Variants in GALNT17 observed in about 807,000 individuals in gnomAD.
GALNT17 encodes polypeptide N-acetylgalactosaminyltransferase 17, also known as UDP-GalNAc:polypeptide N-acetylgalactosaminyltransferase-like 3.
A neutral mutation model predicts 63.7 loss-of-function variants in GALNT17; 29 were observed. The observed-to-expected ratio is 0.46, with a 90% CI of 0.34 to 0.62. The LOEUF (loss-of-function observed/expected upper bound fraction) is 0.62. Ranked by LOEUF, GALNT17 falls within the 20% of genes least tolerant of loss-of-function variation. GALNT17 has a pLI of 0.01. For missense variants in GALNT17, 603 were observed against 799.6 expected, an observed-to-expected ratio of 0.75 and a Z score of 2.97; for synonymous variants, 305 against 318.3, an observed-to-expected ratio of 0.96 and a Z score of 0.45.
At chr7:71,137,291 C>CA (rs1416252356) in intron 1 of GALNT17, among the ~76,000 whole-genome samples, 1 of 152,128 alleles carries the variant, frequency 6.6e-6, no homozygotes, top group Non-Finnish European at 1.5e-5. Flanking sequence ...AGGCGTCCGC[C>CA]ACCACGCCCG....
At chr7:71,223,402 TA>T (rs1789622903) in intron 1 of GALNT17, among the ~76,000 whole-genome samples, 1 of 152,214 alleles carries the variant, frequency 6.6e-6, no homozygotes, top group African/African-American at 2.4e-5. Flanking sequence ...TTTTAACCTT[TA>T]AGCTATATCT....
intron 1 of GALNT17, among the ~76,000 whole-genome samples, chr7:71,181,506 A>G (rs1788734952): frequency 6.6e-6 from 1 of 152,128 alleles, no homozygotes; most frequent in Non-Finnish European, 1.5e-5. Flanking sequence ...GCTGGTGATG[A>G]GAAGGATGAA....
At chr7:71,531,101 A>G (rs922268762) in intron 5 of GALNT17, among the ~76,000 whole-genome samples, 4 of 152,194 alleles carry the variant, frequency 2.6e-5, no homozygotes, top group Non-Finnish European at 5.9e-5. Context: ...TTTTTAAACC[A>G]TTTTATTGTG....
At chr7:71,283,246 T>C (rs947424360) in intron 1 of GALNT17, among the ~76,000 whole-genome samples, 2 of 152,100 alleles carry the variant, frequency 1.3e-5, no homozygotes, top group African/African-American at 4.8e-5. Context: ...TGTACACCTT[T>C]CCCAGGTTCT....
intron 1 of GALNT17, among the ~76,000 whole-genome samples, chr7:71,176,617 T>C (rs541896630): frequency 2.6e-5 from 4 of 152,236 alleles, no homozygotes; most frequent in African/African-American, 9.6e-5. Context: ...CAGAGGTAGC[T>C]TCTTCTTGGA....
intron 5 of GALNT17, among the ~76,000 whole-genome samples, chr7:71,476,511 AAAAG>A (rs987109899): frequency 3.3e-5 from 5 of 152,132 alleles, no homozygotes; most frequent in Admixed American, 2.0e-4. Flanking sequence ...AAAAAAAAAA[AAAAG>A]AGTGAAGTGA....
chr7:71,565,156 A>G (rs1372570867), intron 5 of GALNT17, among the ~76,000 whole-genome samples: 1 of 152,056 alleles, frequency 6.6e-6, no homozygotes, highest in African/African-American at 2.4e-5. Flanking sequence ...AATCCCAGCT[A>G]CTTGGGATGC....
At chr7:71,232,205 G>T (rs1023846514) in intron 1 of GALNT17, among the ~76,000 whole-genome samples, 1 of 152,000 alleles carries the variant, frequency 6.6e-6, no homozygotes, top group Non-Finnish European at 1.5e-5. Context: ...TCTCTGAGGG[G>T]ATCTGCCAAA....
chr7:71,174,115 G>T (rs561018420), intron 1 of GALNT17, among the ~76,000 whole-genome samples: 1 of 152,168 alleles, frequency 6.6e-6, no homozygotes, highest in Non-Finnish European at 1.5e-5. Context: ...CCCTTGAGGG[G>T]CTCATAGACA....
At chr7:71,641,608 A>G (rs1790605119) in intron 6 of GALNT17, among the ~76,000 whole-genome samples, 1 of 152,034 alleles carries the variant, frequency 6.6e-6, no homozygotes. Flanking sequence ...CACCAACCCT[A>G]TTCACAAGAG....
intron 8 of GALNT17, among the ~76,000 whole-genome samples, chr7:71,672,027 CAAAAA>C (rs55777129): frequency 0.012 from 1,300 of 104,890 alleles, 6 homozygotes; most frequent in Non-Finnish European, 0.015. Flanking sequence ...GACTCTGTCT[CAAAAA>C]AAAAAAAAAA....
chr7:71,371,411 A>C (rs1187285676), intron 2 of GALNT17, among the ~76,000 whole-genome samples: 1 of 151,802 alleles, frequency 6.6e-6, no homozygotes, highest in Non-Finnish European at 1.5e-5. Context: ...ATGAAGTTCT[A>C]CCTGTTTTTA....
At chr7:71,395,099 C>G (rs1458733784) in intron 3 of GALNT17, among the ~76,000 whole-genome samples, 2 of 151,902 alleles carry the variant, frequency 1.3e-5, no homozygotes, top group Non-Finnish European at 2.9e-5. Context: ...AAGAGTCTGT[C>G]TCAAAAAAAC....
intron 5 of GALNT17, among the ~76,000 whole-genome samples, chr7:71,438,373 C>T (rs796336485): frequency 1.8e-4 from 28 of 152,270 alleles, no homozygotes; most frequent in African/African-American, 6.5e-4. Flanking sequence ...TATATTCTAG[C>T]CATGCTGGTT....
intron 5 of GALNT17, among the ~76,000 whole-genome samples, chr7:71,517,654 A>T (rs896012363): frequency 2.0e-5 from 3 of 152,238 alleles, no homozygotes. Flanking sequence ...AGGATATAGG[A>T]TAATGGAGTT....
At chr7:71,423,383 C>G (rs185518774) in intron 5 of GALNT17, among the ~76,000 whole-genome samples, 1 of 152,038 alleles carries the variant, frequency 6.6e-6, no homozygotes, top group Non-Finnish European at 1.5e-5. Context: ...CCCTCTGATC[C>G]CCGAGTTATA....
At chr7:71,473,611 G>C (rs1372481278) in intron 5 of GALNT17, among the ~76,000 whole-genome samples, 4 of 152,036 alleles carry the variant, frequency 2.6e-5, no homozygotes, top group Non-Finnish European at 5.9e-5. Flanking sequence ...AAAGGGGTGG[G>C]GCATAATGAG....
intron 1 of GALNT17, among the ~76,000 whole-genome samples, chr7:71,203,750 G>A (rs1048059986): frequency 2.6e-5 from 4 of 152,240 alleles, no homozygotes; most frequent in South Asian, 2.1e-4. Flanking sequence ...GAGCTGGCAC[G>A]TCACATGGCA....
At chr7:71,469,786 A>G (rs1375929692) in intron 5 of GALNT17, among the ~76,000 whole-genome samples, 2 of 152,244 alleles carry the variant, frequency 1.3e-5, no homozygotes, top group Non-Finnish European at 2.9e-5. Context: ...AATAGGATTT[A>G]GTAATTCCCT....
Sources: allele counts gnomAD v4.1 joint callset (sites outside exome capture counted in the v4.1 genomes callset), GRCh38; gene constraint gnomAD v4.1.1; transcripts MANE v1.5; gene names NCBI Gene and HGNC (gene_info 2026-07-23, HGNC 2026-07-21).